The following C12orf42 variants were observed in gnomAD, a reference collection of about 807,000 sequenced individuals.
C12orf42 encodes chromosome 12 open reading frame 42.
In C12orf42, 25 loss-of-function variants were observed where a neutral mutation model predicts 21.6. The ratio of observed to expected loss-of-function variants is 1.16; its 90% CI spans 0.84 to 1.62. The LOEUF is 1.62. Ranked by LOEUF, C12orf42 falls within the 40% of genes most tolerant of loss-of-function variation. C12orf42 has a pLI of 0.00. For synonymous variants in C12orf42, 174 were observed against 175.0 expected, an observed-to-expected ratio of 0.99 and a Z score of 0.05; for missense variants, 483 against 459.3, an observed-to-expected ratio of 1.05 and a Z score of -0.47.
At chr12:103,280,370 C>T (rs1273923851) in intron 4 of C12orf42, among the ~76,000 whole-genome samples, 1 of 152,168 alleles carries the variant, frequency 6.6e-6, no homozygotes, top group Non-Finnish European at 1.5e-5. Flanking sequence ...GTAATCTCAG[C>T]ACTTTGGGAG....
At chr12:103,184,911 T>C in the C12orf42 span, among the ~76,000 whole-genome samples, 1 of 152,066 alleles carries the variant, frequency 6.6e-6, no homozygotes, top group South Asian at 2.1e-4. Flanking sequence ...GGAAAGACCA[T>C]ATGAAGGCAT....
intron 3 of C12orf42, among the ~76,000 whole-genome samples, chr12:103,387,385 C>A (rs1181985203): frequency 6.6e-6 from 1 of 152,198 alleles, no homozygotes; most frequent in Non-Finnish European, 1.5e-5. Flanking sequence ...ACACACACAC[C>A]CTCGTGCACA....
At chr12:103,286,627 T>C (rs1185222427) in intron 4 of C12orf42, among the ~76,000 whole-genome samples, 1 of 151,690 alleles carries the variant, frequency 6.6e-6, no homozygotes, top group African/African-American at 2.4e-5. Context: ...TATTTTGCAA[T>C]AGAGAGGAAA....
intron 2 of C12orf42, among the ~76,000 whole-genome samples, chr12:103,466,973 C>A (rs955967450): frequency 4.6e-5 from 7 of 152,218 alleles, no homozygotes; most frequent in African/African-American, 1.4e-4. Flanking sequence ...CAACAGCCAA[C>A]ACACCCCAGC....
chr12:103,120,813 T>C, the C12orf42 span, among the ~76,000 whole-genome samples: 1 of 150,028 alleles, frequency 6.7e-6, no homozygotes, highest in South Asian at 2.1e-4. Context: ...ATATAACATG[T>C]ATTATATACT....
rs541680076 is a variant in C12orf42, at chr12:103,437,113, G to A, written c.79-35438C>T. On this transcript the variant is annotated intron_variant, in intron 2 of 5. Coordinates refer to ENST00000548883, the MANE Select transcript of C12orf42 (RefSeq NM_198521.5). ...AGGATTAAGAATCTCGCTCAAAACCGCTCAACTACATGGAAACTGAACAAC... is the reference window on the plus strand; with the variant it reads ...AGGATTAAGAATCTCGCTCAAAACCACTCAACTACATGGAAACTGAACAAC... 1.6e-4 allele frequency among the ~76,000 whole-genome samples: 24 copies of A among 151,620 alleles called. No individual in the cohort carries two copies. In the South Asian group the frequency reaches 1.7e-3, roughly 11 times the overall value.
intron 4 of C12orf42, among the ~76,000 whole-genome samples, chr12:103,312,843 T>C (rs537438871): frequency 1.3e-5 from 2 of 152,352 alleles, no homozygotes; most frequent in East Asian, 3.9e-4. Context: ...TCTCATTCCT[T>C]TTGAGCTGCA....
At chr12:103,469,602 A>G (rs1436380911) in intron 2 of C12orf42, among the ~76,000 whole-genome samples, 3 of 152,236 alleles carry the variant, frequency 2.0e-5, no homozygotes, top group African/African-American at 7.2e-5. Flanking sequence ...ATTATTGCAT[A>G]ACTATAAATA....
At chr12:103,061,631 TC>T in the C12orf42 span, among the ~76,000 whole-genome samples, 1 of 152,032 alleles carries the variant, frequency 6.6e-6, no homozygotes, top group Non-Finnish European at 1.5e-5. Context: ...AAAGTATTTT[TC>T]TTAATCTTTA....
At chr12:103,121,421 G>A in the C12orf42 span, among the ~76,000 whole-genome samples, 1 of 152,202 alleles carries the variant, frequency 6.6e-6, no homozygotes, top group Non-Finnish European at 1.5e-5. Context: ...AGGAAAGACA[G>A]TATGCAAAGG....
the C12orf42 span, among the ~76,000 whole-genome samples, chr12:103,191,543 C>CAAAAAAAAAAAAAAAAA: frequency 6.9e-4 from 40 of 58,114 alleles, 1 homozygote; most frequent in Admixed American, 1.2e-3. Flanking sequence ...CTCCACTCTA[C>CAAAAAAAAAAAAAAAAA]AAAAAAAAAA....
intron 2 of C12orf42, among the ~76,000 whole-genome samples, chr12:103,431,623 T>G (rs1950272210): frequency 6.6e-6 from 1 of 152,166 alleles, no homozygotes; most frequent in African/African-American, 2.4e-5. Context: ...AATGAGACAA[T>G]ATACACATAT....
chr12:103,506,337 A>T, the C12orf42 span, among the ~76,000 whole-genome samples: 1 of 145,518 alleles, frequency 6.9e-6, no homozygotes, highest in South Asian at 2.4e-4. Flanking sequence ...CAAAACAAAA[A>T]AAAAACCAGT....
the C12orf42 span, among the ~76,000 whole-genome samples, chr12:103,052,772 G>A: frequency 6.6e-5 from 10 of 152,068 alleles, no homozygotes; most frequent in South Asian, 6.2e-4. Context: ...CATCCAGAGC[G>A]TTACTATTTT....
the C12orf42 span, among the ~76,000 whole-genome samples, chr12:103,123,692 T>C: frequency 1.3e-5 from 2 of 152,104 alleles, no homozygotes; most frequent in African/African-American, 4.8e-5. Flanking sequence ...TTTCAAAGTA[T>C]AGTAACACTA....
the C12orf42 span, among the ~76,000 whole-genome samples, chr12:103,069,408 T>C: frequency 6.6e-6 from 1 of 152,172 alleles, no homozygotes; most frequent in Admixed American, 6.6e-5. Flanking sequence ...ATACCTAACC[T>C]ATCAAACATC....
the C12orf42 span, among the ~76,000 whole-genome samples, chr12:103,540,423 G>A: frequency 6.6e-6 from 1 of 151,964 alleles, no homozygotes. Flanking sequence ...TATGATTGTA[G>A]ATTTGTCATT....
chr12:103,374,750 G>C (rs1418830105), intron 3 of C12orf42, among the ~76,000 whole-genome samples: 1 of 152,110 alleles, frequency 6.6e-6, no homozygotes, highest in Non-Finnish European at 1.5e-5. Flanking sequence ...AAGCTGTCCT[G>C]GGCTGCATGT....
In C12orf42 at chr12:103,306,077, C is replaced by G; in HGVS notation, c.528G>C (p.Trp176Cys). ...GGTGAACAGGATTTACTGAGTGTGC[C>G]CAGTTAGGCTTTTTAACCAGTTGTT... ...FLEQLVKKPN[W>C]AHSVNPVHLE... Residue 176 changes from tryptophan (W) to cysteine (C), a missense_variant, in exon 5 of 6, where the codon TGG (tryptophan) becomes TGC (cysteine). Trp to Cys is a radical substitution (Grantham distance 215). Transcript: ENST00000548883. 1.2e-6 allele frequency: 2 copies of G among 1,613,930 alleles called. No individual in the cohort carries two copies. The highest frequency in any genetic ancestry group is 1.7e-6 in the Non-Finnish European group (2 of 1,179,856).
Sources: allele counts gnomAD v4.1 joint callset (sites outside exome capture counted in the v4.1 genomes callset), GRCh38; gene constraint gnomAD v4.1.1; transcripts MANE v1.5; gene names NCBI Gene and HGNC (gene_info 2026-07-23, HGNC 2026-07-21).